The following SGCZ variants were observed in gnomAD, a reference collection of about 807,000 sequenced individuals.
SGCZ encodes zeta-sarcoglycan.
Under a neutral mutation model 41.3 loss-of-function variants are expected in SGCZ, and 40 were observed. The ratio of observed to expected loss-of-function variants is 0.97; its 90% CI spans 0.75 to 1.26. The LOEUF is 1.26. Among genes scored for constraint, SGCZ ranks in the 50% most tolerant of loss-of-function variants. The probability of loss-of-function intolerance (pLI) is 0.00; values close to 1 mark genes in which losing one functional copy is unlikely to be tolerated. For synonymous variants in SGCZ, 206 were observed against 137.5 expected (o/e 1.50, Z -3.49); for missense variants, 552 against 369.8 (o/e 1.49, Z -4.04).
At chr8:15,105,589 C>T (rs1379296517) in intron 1 of SGCZ, among the ~76,000 whole-genome samples, 2 of 152,080 alleles carry the variant, frequency 1.3e-5, no homozygotes, top group East Asian at 1.9e-4. Flanking sequence ...GGTAGAAAGT[C>T]TGCCCCATGA....
intron 3 of SGCZ, among the ~76,000 whole-genome samples, chr8:14,268,750 T>G (rs1474970201): frequency 6.6e-6 from 1 of 151,928 alleles, no homozygotes; most frequent in African/African-American, 2.4e-5. Flanking sequence ...TATGTACATT[T>G]GCATTCATTA....
rs186343333 is a variant in SGCZ at position 15,203,410 on chromosome 8, G to A, written c.39+34175C>T. 3.3e-5 allele frequency among the ~76,000 whole-genome samples: 5 copies of A among 152,226 alleles called. No individual in the cohort carries two copies. In the East Asian group the frequency reaches 9.7e-4, roughly 29 times the overall value. ...AGTGTACAAACCCCGTGAGGCCACT[G>A]CAGTTTCATTATGCACATCTTTATC... On this transcript the variant is annotated intron_variant, in intron 1 of 7. Transcript: ENST00000382080.
chr8:15,137,137 G>T (rs1454303285), intron 1 of SGCZ, among the ~76,000 whole-genome samples: 1 of 152,182 alleles, frequency 6.6e-6, no homozygotes, highest in East Asian at 1.9e-4. Flanking sequence ...TAAGGAACTT[G>T]TTAGGAAGTA....
chr8:14,168,499 G>C (rs1200774283), intron 4 of SGCZ, among the ~76,000 whole-genome samples: 9 of 152,064 alleles, frequency 5.9e-5, no homozygotes, highest in Admixed American at 5.9e-4. Flanking sequence ...TAAGTCTCAT[G>C]AGATCTGATG....
chr8:14,498,114 A>G (rs1313496794), intron 2 of SGCZ, among the ~76,000 whole-genome samples: 1 of 152,134 alleles, frequency 6.6e-6, no homozygotes, highest in Non-Finnish European at 1.5e-5. Flanking sequence ...TAGTGAGTTT[A>G]CTATACTCTT....
intron 5 of SGCZ, among the ~76,000 whole-genome samples, chr8:14,113,376 A>G (rs1045450674): frequency 6.6e-6 from 1 of 152,030 alleles, no homozygotes; most frequent in Non-Finnish European, 1.5e-5. Flanking sequence ...TACCATATCT[A>G]TTCTTACATT....
At chr8:14,136,541 C>G (rs912215193) in intron 5 of SGCZ, among the ~76,000 whole-genome samples, 1 of 152,200 alleles carries the variant, frequency 6.6e-6, no homozygotes, top group Non-Finnish European at 1.5e-5. Flanking sequence ...AAGAGCCTTG[C>G]TCACTGCTAG....
chr8:14,564,129 T>C (rs1232928204), intron 1 of SGCZ, among the ~76,000 whole-genome samples: 1 of 152,054 alleles, frequency 6.6e-6, no homozygotes, highest in Non-Finnish European at 1.5e-5. Flanking sequence ...GATAGATAAT[T>C]TGAGAAATTG....
intron 1 of SGCZ, among the ~76,000 whole-genome samples, chr8:14,743,197 C>A (rs1799244101): frequency 6.6e-6 from 1 of 151,962 alleles, no homozygotes; most frequent in Non-Finnish European, 1.5e-5. Context: ...CTATAGAATT[C>A]CTACTTTATA....
At chr8:14,928,429 C>G (rs73517359) in intron 1 of SGCZ, among the ~76,000 whole-genome samples, 3,515 of 152,186 alleles carry the variant, frequency 0.023, 132 homozygotes, top group African/African-American at 0.08. Context: ...GAGGTTAAAA[C>G]TACTATAAAA....
chr8:14,192,817 A>C (rs1805146684), intron 4 of SGCZ, among the ~76,000 whole-genome samples: 1 of 152,102 alleles, frequency 6.6e-6, no homozygotes, highest in Admixed American at 6.5e-5. Flanking sequence ...TTGCAAAATT[A>C]AATTATTATG....
chr8:14,860,041 G>C lies in SGCZ; in HGVS notation c.40-305115C>G, dbSNP rs577607170. Among the ~76,000 whole-genome samples the C allele has an allele frequency of 2.3e-4, 35 of 152,196 alleles. No homozygotes were observed. In the South Asian group the frequency reaches 6.8e-3, roughly 30 times the overall value. On this transcript the variant is annotated intron_variant, in intron 1 of 7. Coordinates refer to ENST00000382080, the MANE Select transcript of SGCZ (RefSeq NM_139167.4). ...AGAATTGATAAGAATCAAGGAATCAGCGTTCCCAATCCTTTAGGTTCCCTC... is the reference window on the plus strand; with the variant it reads ...AGAATTGATAAGAATCAAGGAATCACCGTTCCCAATCCTTTAGGTTCCCTC...
At chr8:14,933,760 T>C (rs182620201) in intron 1 of SGCZ, among the ~76,000 whole-genome samples, 3 of 152,116 alleles carry the variant, frequency 2.0e-5, no homozygotes, top group Non-Finnish European at 4.4e-5. Flanking sequence ...CCTGCAGGAA[T>C]GATTTTTAAA....
chr8:15,097,726 A>T (rs565538075), intron 1 of SGCZ, among the ~76,000 whole-genome samples: 124 of 94,508 alleles, frequency 1.3e-3, no homozygotes, highest in African/African-American at 4.4e-3. Flanking sequence ...GAGAGCTTAT[A>T]AAAAAAAAAA....
intron 1 of SGCZ, among the ~76,000 whole-genome samples, chr8:15,219,372 A>G (rs1801516303): frequency 6.6e-6 from 1 of 152,162 alleles, no homozygotes; most frequent in African/African-American, 2.4e-5. Flanking sequence ...AGTCAATATA[A>G]TCCATACATG....
At chr8:14,941,549 T>C (rs1800275257) in intron 1 of SGCZ, among the ~76,000 whole-genome samples, 2 of 152,138 alleles carry the variant, frequency 1.3e-5, no homozygotes, top group African/African-American at 4.8e-5. Flanking sequence ...TAGGAAATTA[T>C]GAAATATAAA....
Position 14,464,136 on chromosome 8 carries a change from G to A in SGCZ, c.234+90596C>T, listed in dbSNP as rs532779730. Among the ~76,000 whole-genome samples, 6 of 151,720 alleles carry A rather than the reference G, an allele frequency of 4.0e-5. No individual in the cohort carries two copies. The South Asian group carries it at 1.0e-3, about 26-fold the overall frequency. On this transcript the variant is annotated intron_variant, in intron 2 of 7. Transcript: ENST00000382080. ...CTGGGTAATGCTTACCACATAGGCT[G>A]ATGTAGGAAGGTTTCCCTCCTCTTC...
rs181043620 is a variant in SGCZ at position 14,992,383 on chromosome 8, A to G, written c.39+245202T>C. Among the ~76,000 whole-genome samples, 447 of 146,602 alleles carry G rather than the reference A, an allele frequency of 3.0e-3. 2 individuals carry two copies. Among genetic ancestry groups the G allele is most frequent in the Non-Finnish European group, 5.3e-3 (355 of 67,210 alleles). ...TCCCAAAACCAATGTTACCCTTGCT[A>G]TTTACCTCTCACCCTCAACTATTCA... On this transcript the variant is annotated intron_variant, in intron 1 of 7. Transcript: ENST00000382080.
intron 1 of SGCZ, among the ~76,000 whole-genome samples, chr8:15,022,925 G>A (rs184198152): frequency 6.6e-6 from 1 of 152,288 alleles, no homozygotes; most frequent in East Asian, 1.9e-4. Context: ...GTGTGTGGCA[G>A]AACCTCACAT....
Sources: allele counts gnomAD v4.1 joint callset (sites outside exome capture counted in the v4.1 genomes callset), GRCh38; gene constraint gnomAD v4.1.1; transcripts MANE v1.5; gene names NCBI Gene and HGNC (gene_info 2026-07-23, HGNC 2026-07-21).